Variants in THEM4 observed in about 807,000 individuals in gnomAD.
THEM4 encodes acyl-coenzyme A thioesterase THEM4.
A neutral mutation model predicts 25.0 loss-of-function variants in THEM4; 22 were observed. The observed-to-expected ratio is 0.88, with a 90% CI of 0.63 to 1.26. THEM4 has a LOEUF of 1.26. Among genes scored for constraint, THEM4 ranks in the 50% most tolerant of loss-of-function variants. The pLI is 0.00. For synonymous variants in THEM4, 113 were observed against 105.6 expected (o/e 1.07, Z -0.43); for missense variants, 286 against 300.3 (o/e 0.95, Z 0.35).
At chr1:151,879,718 G>A (rs1178854203) in intron 4 of THEM4, among the ~76,000 whole-genome samples, 10 of 149,216 alleles carry the variant, frequency 6.7e-5, no homozygotes, top group African/African-American at 2.2e-4. Flanking sequence ...GTGCAGTGGC[G>A]CGATCTTGGT....
At chr1:151,887,650 T>G (rs908412071) in intron 4 of THEM4, among the ~76,000 whole-genome samples, 1 of 151,584 alleles carries the variant, frequency 6.6e-6, no homozygotes, top group African/African-American at 2.4e-5. Context: ...GTTGTTGTTG[T>G]TTTTTTTACA....
chr1:151,905,682 G>A (rs1207491276), intron 1 of THEM4, among the ~76,000 whole-genome samples: 1 of 152,202 alleles, frequency 6.6e-6, no homozygotes. Flanking sequence ...ATAAGAAAAA[G>A]TAAAGTTCCC....
intron 5 of THEM4, among the ~76,000 whole-genome samples, chr1:151,876,551 G>A (rs890170942): frequency 1.3e-5 from 2 of 151,918 alleles, no homozygotes; most frequent in Non-Finnish European, 2.9e-5. Context: ...GGGTTCAAGG[G>A]AGCCTCCCAT....
chr1:151,887,454 AAATT>A (rs1193813462), intron 4 of THEM4, among the ~76,000 whole-genome samples: 2 of 151,860 alleles, frequency 1.3e-5, no homozygotes, highest in African/African-American at 4.8e-5. Context: ...AATAATAAAA[AAATT>A]AAAAATAAAA....
At chr1:151,908,372 C>G (rs1278477661) in intron 1 of THEM4, among the ~76,000 whole-genome samples, 6 of 152,190 alleles carry the variant, frequency 3.9e-5, no homozygotes, top group Non-Finnish European at 8.8e-5. Flanking sequence ...CCTGTAACCC[C>G]ATTGCATAGC....
chr1:151,878,545 C>T (rs1321284883), intron 4 of THEM4, among the ~76,000 whole-genome samples: 2 of 152,224 alleles, frequency 1.3e-5, no homozygotes, highest in African/African-American at 2.4e-5. Flanking sequence ...CTCAGCCACA[C>T]CTGACTTCTC....
At chr1:151,888,790 T>C (rs1654023800) in intron 3 of THEM4, among the ~76,000 whole-genome samples, 1 of 152,112 alleles carries the variant, frequency 6.6e-6, no homozygotes, top group African/African-American at 2.4e-5. Flanking sequence ...ATTATGCCAC[T>C]GCACTTCAGC....
In THEM4 at chr1:151,872,291, G is replaced by A. The variant is rs1653571717; in HGVS notation, c.*2597C>T. On this transcript the variant is annotated 3_prime_UTR_variant, in exon 6 of 6. Coordinates refer to ENST00000368814, the MANE Select transcript of THEM4 (RefSeq NM_053055.5). ...GGGCTCCAGCTGATCTTTTGGCTGT[G>A]GAAGGATGACTGGGTAGGGTACCAC... Among the ~76,000 whole-genome samples, 1 of 152,196 alleles carries A rather than the reference G, an allele frequency of 6.6e-6. No homozygotes were observed. The highest frequency in any genetic ancestry group is 2.1e-4 in the South Asian group (1 of 4,832).
intron 4 of THEM4, among the ~76,000 whole-genome samples, chr1:151,884,253 C>T (rs956832938): frequency 6.6e-6 from 1 of 151,912 alleles, no homozygotes; most frequent in African/African-American, 2.4e-5. Context: ...GCAAACAAAA[C>T]CCAGAAGCCT....
intron 1 of THEM4, among the ~76,000 whole-genome samples, chr1:151,899,542 A>T (rs1654305835): frequency 6.6e-6 from 1 of 152,118 alleles, no homozygotes; most frequent in Non-Finnish European, 1.5e-5. Flanking sequence ...AAAAAACAAT[A>T]AAAAATTCAG....
intron 4 of THEM4, among the ~76,000 whole-genome samples, chr1:151,882,693 C>G (rs1442553146): frequency 6.6e-6 from 1 of 152,170 alleles, no homozygotes; most frequent in South Asian, 2.1e-4. Flanking sequence ...CGCACTAGAA[C>G]AATGGAGCTG....
intron 1 of THEM4, among the ~76,000 whole-genome samples, chr1:151,906,537 C>A (rs1654472685): frequency 6.6e-6 from 1 of 152,248 alleles, no homozygotes; most frequent in Admixed American, 6.5e-5. Context: ...CAGCGTGGGA[C>A]TGGCAGGCAG....
chr1:151,897,413 C>T (rs1654249430), intron 1 of THEM4, among the ~76,000 whole-genome samples: 2 of 152,166 alleles, frequency 1.3e-5, no homozygotes, highest in African/African-American at 4.8e-5. Flanking sequence ...AGCCTGGCCT[C>T]CCAACCTATA....
chr1:151,909,150 A>C (rs1244456333), intron 1 of THEM4, among the ~76,000 whole-genome samples: 1 of 152,216 alleles, frequency 6.6e-6, no homozygotes, highest in African/African-American at 2.4e-5. Flanking sequence ...AAACAAAAAA[A>C]CGGGGTCACC....
intron 2 of THEM4, chr1:151,889,773 T>G (rs1184618113): frequency 1.2e-5 from 2 of 164,562 alleles, no homozygotes; most frequent in African/African-American, 4.8e-5. Flanking sequence ...CTGGCAGACA[T>G]GAGTTGAGTC....
chr1:151,889,662 C>T (rs1308599172), intron 2 of THEM4: 1 of 267,780 alleles, frequency 3.7e-6, no homozygotes, highest in African/African-American at 2.2e-5. Flanking sequence ...TAACAATATA[C>T]TGAATAAAAT....
At position 151,870,919 on chromosome 1, in the gene THEM4, G is replaced by C. The variant is rs1410173412; in HGVS notation, c.*3969C>G. Among the ~76,000 whole-genome samples the C allele has an allele frequency of 6.6e-6, 1 of 152,218 alleles. No homozygotes were observed. The highest frequency in any genetic ancestry group is 1.5e-5 in the Non-Finnish European group (1 of 68,042). The stretch of plus-strand genomic sequence containing the variant: ...TTCTTAGACATTTAGAAACCTGGGA[G>C]TAAGAGCAAAAACTCACGGCCTAAT... On this transcript the variant is annotated 3_prime_UTR_variant, in exon 6 of 6. Coordinates refer to ENST00000368814, the MANE Select transcript of THEM4 (RefSeq NM_053055.5).
At position 151,895,155 on chromosome 1, in the gene THEM4, A is replaced by C. The variant is rs761138464; in HGVS notation, c.139T>G (p.Ser47Ala). ...SSEEVILKDC[S>A]VPNPSWNKDL... ...TTGTTCCAGCTGGGGTTGGGGACAG[A>C]ACAGTCCTTAAGAATGACTTCCTCA... is the stretch of plus-strand genomic sequence containing the variant. Residue 47 changes from serine (S) to alanine (A), a missense_variant, in exon 2 of 6, where the codon TCT becomes GCT. Coordinates refer to ENST00000368814, the MANE Select transcript of THEM4 (RefSeq NM_053055.5). 3.7e-6 allele frequency: 6 copies of C among 1,613,894 alleles called. No individual in the cohort carries two copies. The Admixed American group carries it at 6.7e-5, about 18-fold the overall frequency.
rs943210207 is a variant in THEM4 at position 151,884,680 on chromosome 1, T to C, written c.557+3593A>G. 1.7e-4 allele frequency among the ~76,000 whole-genome samples: 5 copies of C among 28,736 alleles called. No individual in the cohort carries two copies. The Admixed American group carries it at 2.2e-3, about 13-fold the overall frequency. 18.9% of individuals were successfully genotyped at this position (28,736 alleles called of 152,430 possible). A position where few individuals can be genotyped will look rare whatever the true frequency, so the allele number is the denominator to read the frequency against. ...TTAAACAATTACACTTTCATTTCCT[T>C]TTTTTTGTTTTTTTTTTGTTTTTTT... On this transcript the variant is annotated intron_variant, in intron 4 of 5. Transcript: ENST00000368814.
Sources: gnomAD v4.1 joint callset for allele counts (sites outside exome capture counted in the v4.1 genomes callset) on GRCh38, gnomAD v4.1.1 for gene constraint, MANE v1.5 for transcripts, NCBI Gene and HGNC (gene_info 2026-07-23, HGNC 2026-07-21) for gene names.